C8orf34: variants seen among roughly 807,000 people sequenced by gnomAD.
C8orf34 encodes chromosome 8 open reading frame 34, also known as uncharacterized protein C8orf34.
In C8orf34, 65 loss-of-function variants were observed where a neutral mutation model predicts 68.3. The observed-to-expected ratio is 0.95, with a 90% CI of 0.78 to 1.17. C8orf34 has a LOEUF of 1.17. Ranked by LOEUF, C8orf34 falls within the 50% of genes most tolerant of loss-of-function variation. C8orf34 has a pLI of 0.00. For synonymous variants in C8orf34, 244 were observed against 241.2 expected, an observed-to-expected ratio of 1.01 and a Z score of -0.11; for missense variants, 664 against 655.4, an observed-to-expected ratio of 1.01 and a Z score of -0.14.
chr8:68,373,056 C>T (rs1474239179), intron 1 of C8orf34, among the ~76,000 whole-genome samples: 7 of 152,260 alleles, frequency 4.6e-5, no homozygotes, highest in East Asian at 1.9e-4. Context: ...AGTGCAATGG[C>T]GCAATCTCAG....
At chr8:68,592,038 A>T (rs1176218628) in intron 7 of C8orf34, among the ~76,000 whole-genome samples, 1 of 152,132 alleles carries the variant, frequency 6.6e-6, no homozygotes, top group African/African-American at 2.4e-5. Context: ...TTGCGCTTTT[A>T]AAAAAATTTA....
At chr8:68,495,930 G>A (rs927659131) in intron 5 of C8orf34, among the ~76,000 whole-genome samples, 1 of 152,172 alleles carries the variant, frequency 6.6e-6, no homozygotes, top group Non-Finnish European at 1.5e-5. Context: ...TAATTACTGG[G>A]TAAATAACTA....
intron 11 of C8orf34, among the ~76,000 whole-genome samples, chr8:68,784,804 G>GTGTGTGTATGTA (rs1554613508): frequency 3.7e-5 from 5 of 136,826 alleles, no homozygotes; most frequent in African/African-American, 8.4e-5. Flanking sequence ...GTGTGTGTAT[G>GTGTGTGTATGTA]TGTGTGTGTG....
intron 1 of C8orf34, among the ~76,000 whole-genome samples, chr8:68,337,013 C>T (rs1805879660): frequency 6.6e-6 from 1 of 151,998 alleles, no homozygotes; most frequent in Non-Finnish European, 1.5e-5. Flanking sequence ...GAAAACTTTA[C>T]CTTATAGTAG....
chr8:68,742,976 C>G (rs886576627), intron 10 of C8orf34, among the ~76,000 whole-genome samples: 1 of 152,198 alleles, frequency 6.6e-6, no homozygotes, highest in South Asian at 2.1e-4. Context: ...CTTTGCTAGA[C>G]ATCTTCCTGT....
chr8:68,361,196 T>G (rs1399269932), intron 1 of C8orf34, among the ~76,000 whole-genome samples: 1 of 152,200 alleles, frequency 6.6e-6, no homozygotes, highest in East Asian at 1.9e-4. Context: ...TTCGGTAGAA[T>G]ATGTTGAACT....
intron 12 of C8orf34, among the ~76,000 whole-genome samples, chr8:68,810,179 A>G (rs1033919245): frequency 6.6e-6 from 1 of 152,128 alleles, no homozygotes; most frequent in East Asian, 1.9e-4. Context: ...CCCAGATCCC[A>G]TGCCTGCCAA....
intron 7 of C8orf34, among the ~76,000 whole-genome samples, chr8:68,577,763 G>A (rs1816948021): frequency 6.6e-6 from 1 of 151,454 alleles, no homozygotes; most frequent in South Asian, 2.1e-4. Flanking sequence ...ATGAAAACTT[G>A]GATTGTAAAA....
At chr8:68,370,677 C>A (rs1807521762) in intron 1 of C8orf34, among the ~76,000 whole-genome samples, 1 of 152,186 alleles carries the variant, frequency 6.6e-6, no homozygotes, top group Admixed American at 6.5e-5. Flanking sequence ...ATGTCAGCCT[C>A]ATTGTTTGCA....
At chr8:68,571,972 C>T (rs1421972737) in intron 7 of C8orf34, among the ~76,000 whole-genome samples, 1 of 152,106 alleles carries the variant, frequency 6.6e-6, no homozygotes, top group African/African-American at 2.4e-5. Context: ...TTACACGAAC[C>T]TACATGTTAC....
chr8:68,779,841 TGAA>T (rs140141926), intron 11 of C8orf34, among the ~76,000 whole-genome samples: 9,480 of 152,228 alleles, frequency 0.062, 526 homozygotes, highest in East Asian at 0.3. Context: ...AACTAGGAAA[TGAA>T]GATCTTTTTT....
chr8:68,603,558 T>TATC (rs1325486557), intron 7 of C8orf34, among the ~76,000 whole-genome samples: 12 of 149,604 alleles, frequency 8.0e-5, no homozygotes, highest in Non-Finnish European at 1.8e-4. Flanking sequence ...TCTATCTATC[T>TATC]ATCTATCTAT....
intron 1 of C8orf34, among the ~76,000 whole-genome samples, chr8:68,399,316 C>T (rs1188449108): frequency 6.6e-6 from 1 of 152,100 alleles, no homozygotes; most frequent in East Asian, 1.9e-4. Context: ...CCGTTCTACC[C>T]TCCCACCTTT....
rs1818795062 is a variant in C8orf34 at position 68,635,033 on chromosome 8, A to G, written c.1106-5343A>G. On this transcript the variant is annotated intron_variant, in intron 7 of 13. Coordinates refer to ENST00000518698, the MANE Select transcript of C8orf34 (RefSeq NM_052958.4). The stretch of plus-strand genomic sequence containing the variant: ...CACTGTGATAGTTATTCTGAACTGG[A>G]AAAAAGAGGTGCTATCCAGATGGGG... Among the ~76,000 whole-genome samples, 11 of 152,222 alleles carry G rather than the reference A, an allele frequency of 7.2e-5. No homozygotes were observed. In the South Asian group the frequency reaches 2.3e-3, roughly 32 times the overall value.
chr8:68,536,079 T>A (rs1383749438), intron 7 of C8orf34, among the ~76,000 whole-genome samples: 1 of 151,740 alleles, frequency 6.6e-6, no homozygotes, highest in Non-Finnish European at 1.5e-5. Flanking sequence ...CAAGTTACAA[T>A]GGTAGAATGA....
intron 7 of C8orf34, chr8:68,534,398 G>C: frequency 1.1e-6 from 1 of 905,438 alleles, no homozygotes; most frequent in Non-Finnish European, 1.3e-6. Context: ...CACTTGGCTG[G>C]GGTCTGGGAA....
At chr8:68,467,118 T>C (rs1211943338) in intron 3 of C8orf34, among the ~76,000 whole-genome samples, 1 of 151,968 alleles carries the variant, frequency 6.6e-6, no homozygotes, top group Non-Finnish European at 1.5e-5. Context: ...TTTTTAAATT[T>C]GAGGCATTAT....
At chr8:68,695,621 A>G (rs912989808) in intron 8 of C8orf34, 1 of 152,146 alleles carries the variant, frequency 6.6e-6, no homozygotes, top group Non-Finnish European at 1.5e-5. Context: ...TTTCGTGGTA[A>G]TATTGTTGCT....
rs188027976 is a variant in C8orf34, at chr8:68,425,711, C to A, written c.328-13788C>A. Reference sequence around the variant, plus strand: ...TTTATATGAAAAGAGCCTAGAATAGCCAAAACAGTTTTGGAAGGAAAAAAA... The same window carrying A: ...TTTATATGAAAAGAGCCTAGAATAGACAAAACAGTTTTGGAAGGAAAAAAA... On this transcript the variant is annotated intron_variant, in intron 1 of 13. Transcript: ENST00000518698. 2.1e-5 allele frequency among the ~76,000 whole-genome samples: 3 copies of A among 145,468 alleles called. No individual in the cohort carries two copies. The Admixed American group carries it at 2.1e-4, about 10-fold the overall frequency.
Sources: gnomAD v4.1 joint callset for allele counts (sites outside exome capture counted in the v4.1 genomes callset) on GRCh38, gnomAD v4.1.1 for gene constraint, MANE v1.5 for transcripts, NCBI Gene and HGNC (gene_info 2026-07-23, HGNC 2026-07-21) for gene names.